ZNF516: variants seen among roughly 807,000 people sequenced by gnomAD.
ZNF516 encodes the protein zinc finger protein 516.
ZNF516 carries 19 observed loss-of-function variants against 79.7 expected under a neutral mutation model. That is an observed-to-expected ratio of 0.24 (90% confidence interval 0.17 to 0.35). The LOEUF is 0.35. ZNF516 is among the 10% of genes least tolerant of loss of function. ZNF516 has a pLI of 1.00. For missense variants in ZNF516, 1,678 were observed against 1,679.5 expected, an observed-to-expected ratio of 1.00 and a Z score of 0.02; for synonymous variants, 877 against 739.5, an observed-to-expected ratio of 1.19 and a Z score of -3.02.
chr18:76,480,159 T>TAA (rs539724418), intron 1 of ZNF516, among the ~76,000 whole-genome samples: 20 of 109,168 alleles, frequency 1.8e-4, no homozygotes, highest in Middle Eastern at 6.2e-3. Context: ...AGATTTTGTG[T>TAA]AAAAAAAAAA....
rs1190586031 is a variant in ZNF516, at chr18:76,358,573, G to A, written c.*3925C>T. 5 of 152,220 alleles carry A rather than the reference G, an allele frequency of 3.3e-5. No homozygotes were observed. The highest frequency in any genetic ancestry group is 1.2e-4 in the African/African-American group (5 of 41,464). The allele number at this position is 152,220 out of a possible 1,614,324, so 9.4% of individuals were successfully genotyped here. A position where few individuals can be genotyped will look rare whatever the true frequency, so the allele number is the denominator to read the frequency against. ...TCACTTGAAGTCCTGGCCTGTGGTT[G>A]TTTCATCTGTTTTTTTGCTCAGTGA... On this transcript the variant is annotated 3_prime_UTR_variant, in exon 7 of 7. Coordinates refer to ENST00000443185, the MANE Select transcript of ZNF516 (RefSeq NM_014643.4).
At position 76,487,881 on chromosome 18, in the gene ZNF516, G is replaced by A. The variant is rs933976953; in HGVS notation, c.-272+7263C>T. 11 of 969,688 alleles carry A rather than the reference G, an allele frequency of 1.1e-5. No homozygotes were observed. The African/African-American group carries it at 1.9e-4, about 17-fold the overall frequency. The allele number at this position is 969,688 out of a possible 1,614,324, so 60.1% of individuals were successfully genotyped here. On this transcript the variant is annotated intron_variant, in intron 1 of 6. Coordinates refer to ENST00000443185, the MANE Select transcript of ZNF516 (RefSeq NM_014643.4). ...ATAGGCTGCTGCCACTACACTTTCG[G>A]CCAGTCAGGTGGAAGGACTGAGGAT...
intron 3 of ZNF516, among the ~76,000 whole-genome samples, chr18:76,417,399 C>T (rs1297260409): frequency 6.6e-6 from 1 of 152,216 alleles, no homozygotes; most frequent in Non-Finnish European, 1.5e-5. Context: ...CAAAAGTCTT[C>T]TGCCTTCAAT....
chr18:76,426,038 A>G (rs185563092), intron 3 of ZNF516, among the ~76,000 whole-genome samples: 1 of 152,370 alleles, frequency 6.6e-6, no homozygotes, highest in East Asian at 1.9e-4. Flanking sequence ...TCCTAATTCA[A>G]GTAACTTTTA....
intron 4 of ZNF516, among the ~76,000 whole-genome samples, chr18:76,373,587 T>C (rs549647327): frequency 6.6e-6 from 1 of 152,356 alleles, no homozygotes; most frequent in East Asian, 1.9e-4. Flanking sequence ...TTTCAAAAAC[T>C]AAGTCATTAT....
chr18:76,425,172 CA>C (rs1267251437), intron 3 of ZNF516, among the ~76,000 whole-genome samples: 1 of 149,840 alleles, frequency 6.7e-6, no homozygotes, highest in African/African-American at 2.5e-5. Flanking sequence ...ACCCATCTCT[CA>C]AAAAAAAGAA....
chr18:76,460,930 C>T (rs1913063656), intron 2 of ZNF516, among the ~76,000 whole-genome samples: 1 of 152,174 alleles, frequency 6.6e-6, no homozygotes, highest in South Asian at 2.1e-4. Context: ...CGCCTGTAAT[C>T]CCAGGACTTT....
In ZNF516 at chr18:76,493,233, T is replaced by G; in HGVS notation, c.-272+1911A>C. The G allele has an allele frequency of 2.1e-6, 2 of 959,766 alleles. No individual in the cohort carries two copies. The highest frequency in any genetic ancestry group is 9.7e-5 in the South Asian group (2 of 20,718). 59.5% of individuals were successfully genotyped at this position (959,766 alleles called of 1,614,324 possible). A position where few individuals can be genotyped will look rare whatever the true frequency, so the allele number is the denominator to read the frequency against. On this transcript the variant is annotated intron_variant, in intron 1 of 6. Coordinates refer to ENST00000443185, the MANE Select transcript of ZNF516 (RefSeq NM_014643.4). This position sits in a 1 kb window ranked among gnomAD's most constrained non-coding sequence, Gnocchi z 5.2. ...GTCAGACGATATCCATTTAAATATA[T>G]TTTGTACTTCCACAAAGGATGGAAA...
At chr18:76,397,804 T>C (rs2145192197) in intron 3 of ZNF516, among the ~76,000 whole-genome samples, 1 of 152,286 alleles carries the variant, frequency 6.6e-6, no homozygotes, top group Admixed American at 6.5e-5. Context: ...CTCACTCTGT[T>C]GCCAGGCTGT....
intron 1 of ZNF516, among the ~76,000 whole-genome samples, chr18:76,464,484 G>A (rs1913325462): frequency 6.6e-6 from 1 of 152,258 alleles, no homozygotes; most frequent in South Asian, 2.1e-4. Context: ...GAGTCATGGA[G>A]ACAAAGGTGC....
rs1021948532 is a variant in ZNF516, at chr18:76,436,846, T to C, written c.1810+4399A>G. 4.6e-5 allele frequency among the ~76,000 whole-genome samples: 7 copies of C among 151,934 alleles called. No homozygotes were observed. In the East Asian group the frequency reaches 7.7e-4, roughly 17 times the overall value. On this transcript the variant is annotated intron_variant, in intron 3 of 6. Transcript: ENST00000443185. ...ACTCTGGGAGGCTGAGGCGGGTGGA[T>C]TGCTTGAGACCAGGAGTTCAAGATC... is the stretch of plus-strand genomic sequence containing the variant.
intron 3 of ZNF516, among the ~76,000 whole-genome samples, chr18:76,424,537 G>C (rs1198048693): frequency 7.5e-6 from 1 of 134,070 alleles, no homozygotes; most frequent in Non-Finnish European, 1.6e-5. Context: ...AGGTGAAAAG[G>C]CTCCCCCCGA....
In ZNF516 at chr18:76,378,947, T is replaced by C; in HGVS notation, c.3167A>G (p.Asp1056Gly). Reference sequence around the variant, plus strand: ...GTACGTCTTAAAGATGTTGAGGATGTCCAGGCGCTTCTCATGCCCCTCGGC... The same window carrying C: ...GTACGTCTTAAAGATGTTGAGGATGCCCAGGCGCTTCTCATGCCCCTCGGC... ...PVAEGHEKRL[D>G]ILNIFKTYIP... Residue 1056 changes from aspartate (D) to glycine (G), a missense_variant, in exon 4 of 7, where the codon GAC (aspartate) becomes GGC (glycine). Transcript: ENST00000443185. The C allele has an allele frequency of 1.2e-6, 2 of 1,613,804 alleles. No homozygotes were observed. Among genetic ancestry groups the C allele is most frequent in the Non-Finnish European group, 1.7e-6 (2 of 1,179,816 alleles).
intron 3 of ZNF516, among the ~76,000 whole-genome samples, chr18:76,403,467 TCACA>T (rs1222406937): frequency 1.3e-5 from 2 of 152,170 alleles, no homozygotes. Context: ...ATGTGTGCAG[TCACA>T]CACGCATTCG....
chr18:76,396,946 TG>T (rs1209013253), intron 3 of ZNF516, among the ~76,000 whole-genome samples: 4 of 152,168 alleles, frequency 2.6e-5, no homozygotes, highest in Admixed American at 6.5e-5. Flanking sequence ...GCCAAAGAAA[TG>T]CTGAAAACCA....
intron 2 of ZNF516, among the ~76,000 whole-genome samples, chr18:76,443,700 A>G (rs900817590): frequency 2.0e-5 from 3 of 152,200 alleles, no homozygotes; most frequent in African/African-American, 4.8e-5. Context: ...CGTGCCACTT[A>G]GCCAATGGGA....
chr18:76,373,858 A>G (rs2074746327), intron 4 of ZNF516, among the ~76,000 whole-genome samples: 1 of 152,284 alleles, frequency 6.6e-6, no homozygotes, highest in South Asian at 2.1e-4. Flanking sequence ...TGCCCAAGCT[A>G]CAACATTCCG....
In ZNF516 at chr18:76,442,498, T is replaced by G; in HGVS notation, c.557A>C (p.Lys186Thr). ...GTGCACGTGCAGCTCCAGGTCCTTC[T>G]TACGCTCGAACTGGCTCTTGCAGAA... ...CSFCKSQFER[K>T]KDLELHVHQA... Residue 186 changes from lysine to threonine, a missense_variant, in exon 3 of 7, where the codon AAG becomes ACG. Physicochemically the swap from Lys to Thr is moderately conservative, Grantham distance 78. Coordinates refer to ENST00000443185, the MANE Select transcript of ZNF516 (RefSeq NM_014643.4). The G allele has an allele frequency of 6.2e-7, 1 of 1,602,386 alleles. No individual in the cohort carries two copies. Among genetic ancestry groups the G allele is most frequent in the Non-Finnish European group, 8.5e-7 (1 of 1,179,626 alleles).
chr18:76,359,086 GCA>G lies in ZNF516; in HGVS notation c.*3410_*3411del, dbSNP rs1407743568. On this transcript the variant is annotated 3_prime_UTR_variant, in exon 7 of 7. Coordinates refer to ENST00000443185, the MANE Select transcript of ZNF516 (RefSeq NM_014643.4). ...TGTTCTCACACCCTCAGCGACCTGT[GCA>G]CAGTGGCCGGATCAGGGGTGGGGGC... 1 of 152,252 alleles carries G rather than the reference GCA, an allele frequency of 6.6e-6. No individual in the cohort carries two copies. The highest frequency in any genetic ancestry group is 1.5e-5 in the Non-Finnish European group (1 of 68,074). 9.4% of individuals were successfully genotyped at this position (152,252 alleles called of 1,614,324 possible).
Sources: gnomAD v4.1 joint callset for allele counts (sites outside exome capture counted in the v4.1 genomes callset) on GRCh38, gnomAD v4.1.1 for gene constraint, Gnocchi (gnomAD v3.1) non-coding constraint, MANE v1.5 for transcripts, NCBI Gene and HGNC (gene_info 2026-07-23, HGNC 2026-07-21) for gene names.